NIPBL: variants seen among roughly 807,000 people sequenced by gnomAD.
The protein encoded by NIPBL is nipped-B-like protein.
NIPBL carries 19 observed loss-of-function variants against 321.8 expected under a neutral mutation model. The observed-to-expected ratio is 0.06, with a 90% CI of 0.04 to 0.09. The LOEUF is 0.09. Among genes scored for constraint, NIPBL ranks in the 10% least tolerant of loss-of-function variants. NIPBL has a pLI of 1.00. For missense variants in NIPBL, 2,210 were observed against 3,327.0 expected (o/e 0.66, Z 8.26); for synonymous variants, 1,106 against 1,114.1 (o/e 0.99, Z 0.14).
Position 37,000,502 on chromosome 5 carries a change from G to A in NIPBL, c.3434G>A (p.Arg1145His), listed in dbSNP as rs1331401819. The A allele has an allele frequency of 6.8e-6, 11 of 1,613,338 alleles. No homozygotes were observed. Among genetic ancestry groups the A allele is most frequent in the African/African-American group, 2.7e-5 (2 of 74,876 alleles). The change falls in exon 12 of 47, where the codon CGT becomes CAT. Residue 1145 changes from arginine (R) to histidine (H), a missense_variant. Physicochemically the swap from Arg to His is conservative, Grantham distance 29. This residue lies in a region of NIPBL where 381 missense variants were observed against 642.3 expected (regional missense o/e 0.59). Transcript: ENST00000282516. ...GGAAGAAGGAGTTCAGGTGGTGGTC[G>A]TTATCGAAACCGAAGTCCGTCAGAT... ...HEGRRSSGGGRYRNRSPSDSD... is the reference protein window; with the variant it reads ...HEGRRSSGGGHYRNRSPSDSD...
intron 27 of NIPBL, among the ~76,000 whole-genome samples, chr5:37,021,303 CAA>C (rs1172343940): frequency 1.3e-5 from 2 of 149,416 alleles, no homozygotes; most frequent in South Asian, 4.2e-4. Context: ...CCATCTCAAA[CAA>C]AAAAAGAAAG....
Position 36,991,086 on chromosome 5 carries a change from T to C in NIPBL, c.3122-4536T>C, listed in dbSNP as rs555105130. On this transcript the variant is annotated intron_variant, in intron 10 of 46. Coordinates refer to ENST00000282516, the MANE Select transcript of NIPBL (RefSeq NM_133433.4). ...TACTAGTATTACACCACCAATAAAATGGGTTTTTTAATATGGATCTCTCTG... is the reference window on the plus strand; with the variant it reads ...TACTAGTATTACACCACCAATAAAACGGGTTTTTTAATATGGATCTCTCTG... Among the ~76,000 whole-genome samples the C allele has an allele frequency of 1.1e-4, 17 of 152,190 alleles. No individual in the cohort carries two copies. In the East Asian group the frequency reaches 3.3e-3, roughly 29 times the overall value.
At chr5:36,987,924 G>A (rs535771198) in intron 10 of NIPBL, among the ~76,000 whole-genome samples, 2 of 152,184 alleles carry the variant, frequency 1.3e-5, no homozygotes, top group Admixed American at 6.5e-5. Flanking sequence ...AAATTTTTTA[G>A]TGAAAGTTTG....
At chr5:36,918,152 A>G (rs1299567555) in intron 1 of NIPBL, among the ~76,000 whole-genome samples, 2 of 152,160 alleles carry the variant, frequency 1.3e-5, no homozygotes, top group African/African-American at 4.8e-5. Flanking sequence ...CTTCCTACCC[A>G]TGAGCATGGA....
Position 36,955,657 on chromosome 5 carries a change from T to C in NIPBL, c.230+20T>C, listed in dbSNP as rs1740853465. On this transcript the variant is annotated intron_variant, in intron 3 of 46. Transcript: ENST00000282516. ...TCACATGTAAGTATGATCAATTTTA[T>C]ATCTACTATAAGTGAAAAGTTTTGG... The C allele has an allele frequency of 6.2e-7, 1 of 1,606,282 alleles. No homozygotes were observed.
Position 36,985,963 on chromosome 5 carries a change from T to C in NIPBL, c.2783T>C (p.Val928Ala), listed in dbSNP as rs1744745743. Residue 928 changes from valine to alanine, a missense_variant, in exon 10 of 47, where the codon GTA becomes GCA. Physicochemically the swap from Val to Ala is moderately conservative, Grantham distance 64 (BLOSUM62 0). Coordinates refer to ENST00000282516, the MANE Select transcript of NIPBL (RefSeq NM_133433.4). ...DKRTEGNKSK[V>A]DTNKAHPDNK... ...AGGACAGAGGGTAACAAGAGTAAAG[T>C]AGACACTAATAAAGCACACCCTGAC... 1 of 1,613,914 alleles carries C rather than the reference T, an allele frequency of 6.2e-7. No individual in the cohort carries two copies. The highest frequency in any genetic ancestry group is 8.5e-7 in the Non-Finnish European group (1 of 1,179,932).
intron 9 of NIPBL, among the ~76,000 whole-genome samples, chr5:36,984,437 G>A (rs1416795250): frequency 1.3e-5 from 2 of 152,024 alleles, no homozygotes; most frequent in African/African-American, 4.8e-5. Context: ...TCCTTAAAGA[G>A]TATGCAGTTA....
intron 27 of NIPBL, 96 bp downstream of exon 27, chr5:37,020,973 A>C (rs570352213): frequency 1.1e-6 from 1 of 904,956 alleles, no homozygotes; most frequent in African/African-American, 1.6e-5. Flanking sequence ...TTGAGTACAG[A>C]TACTTAAAAG....
At chr5:36,952,170 C>T (rs1170547551) in intron 1 of NIPBL, among the ~76,000 whole-genome samples, 1 of 151,372 alleles carries the variant, frequency 6.6e-6, no homozygotes, top group African/African-American at 2.4e-5. Context: ...TTTTAACTAC[C>T]CGTATAATTA....
intron 1 of NIPBL, among the ~76,000 whole-genome samples, chr5:36,942,671 G>A (rs1180038039): frequency 2.0e-5 from 3 of 149,768 alleles, no homozygotes; most frequent in African/African-American, 7.4e-5. Flanking sequence ...AACCTTGGAG[G>A]CAGAGGCTGT....
Position 37,003,216 on chromosome 5 carries a change from T to C in NIPBL, c.3769-45T>C, listed in dbSNP as rs191989219. 1.1e-4 allele frequency: 126 copies of C among 1,105,534 alleles called. No homozygotes were observed. The Admixed American group carries it at 1.8e-3, about 16-fold the overall frequency. 68.5% of individuals were successfully genotyped at this position (1,105,534 alleles called of 1,614,324 possible). A position where few individuals can be genotyped will look rare whatever the true frequency, so the allele number is the denominator to read the frequency against. ...TACAGATTGTTTCTTGAATAATATA[T>C]AACTTTTACCAACGATTGATAAAGA... On this transcript the variant is annotated intron_variant, in intron 15 of 46. Coordinates refer to ENST00000282516, the MANE Select transcript of NIPBL (RefSeq NM_133433.4).
intron 1 of NIPBL, among the ~76,000 whole-genome samples, chr5:36,941,057 G>A (rs1739009407): frequency 6.6e-6 from 1 of 152,122 alleles, no homozygotes; most frequent in South Asian, 2.1e-4. Flanking sequence ...GTGCATGATA[G>A]TGAATACATA....
At chr5:36,949,021 A>T (rs1739993947) in intron 1 of NIPBL, among the ~76,000 whole-genome samples, 1 of 151,914 alleles carries the variant, frequency 6.6e-6, no homozygotes. Flanking sequence ...TAAGATGCAG[A>T]AGAATATATA....
At chr5:37,052,863 C>T (rs185773715) in intron 42 of NIPBL, among the ~76,000 whole-genome samples, 1 of 152,208 alleles carries the variant, frequency 6.6e-6, no homozygotes, top group East Asian at 1.9e-4. Flanking sequence ...CTAAACTAAT[C>T]GCTTTGGGAA....
At chr5:37,042,856 T>G (rs1475143994) in intron 34 of NIPBL, among the ~76,000 whole-genome samples, 2 of 144,388 alleles carry the variant, frequency 1.4e-5, no homozygotes, top group African/African-American at 5.1e-5. Flanking sequence ...AAAAAAAAAC[T>G]AGATTAAAAA....
intron 18 of NIPBL, 65 bp downstream of exon 18, chr5:37,007,539 G>A (rs1035339684): frequency 3.5e-6 from 4 of 1,147,680 alleles, no homozygotes; most frequent in South Asian, 1.3e-5. Flanking sequence ...GTATAACCTA[G>A]CTCACTCAAT....
At chr5:36,889,730 T>G (rs1271486532) in intron 1 of NIPBL, among the ~76,000 whole-genome samples, 5 of 152,146 alleles carry the variant, frequency 3.3e-5, no homozygotes, top group Non-Finnish European at 1.5e-5. Context: ...CACCACAGTT[T>G]TAGTGTGTTT....
At chr5:36,901,154 G>C (rs1747178638) in intron 1 of NIPBL, among the ~76,000 whole-genome samples, 2 of 151,996 alleles carry the variant, frequency 1.3e-5, no homozygotes, top group Non-Finnish European at 2.9e-5. Context: ...GTCCATCTGT[G>C]GTCTATGTTT....
chr5:37,033,730 A>ATATATATATTTTT (rs775482943), intron 32 of NIPBL, among the ~76,000 whole-genome samples: 1 of 21,518 alleles, frequency 4.6e-5, no homozygotes, highest in African/African-American at 2.0e-4. Context: ...ATATATATAT[A>ATATATATATTTTT]TTTTTTTTTT....
Sources: gnomAD v4.1 joint callset for allele counts (sites outside exome capture counted in the v4.1 genomes callset) on GRCh38, gnomAD v4.1.1 for gene constraint, gnomAD v4.1.1 regional missense constraint, MANE v1.5 for transcripts, NCBI Gene and HGNC (gene_info 2026-07-23, HGNC 2026-07-21) for gene names.